Variants in TNFSF11 observed in about 807,000 individuals in gnomAD.
TNFSF11 encodes the protein tumor necrosis factor ligand superfamily member 11.
Under a neutral mutation model 32.2 loss-of-function variants are expected in TNFSF11, and 12 were observed. The observed-to-expected ratio is 0.37, with a 90% CI of 0.24 to 0.60. TNFSF11 has a LOEUF of 0.60. Ranked by LOEUF, TNFSF11 falls within the 20% of genes least tolerant of loss-of-function variation. TNFSF11 has a pLI of 0.66. For synonymous variants in TNFSF11, 172 were observed against 152.1 expected (o/e 1.13, Z -0.96); for missense variants, 345 against 398.0 (o/e 0.87, Z 1.13).
At chr13:42,591,568 T>A (rs1294607718) in intron 2 of TNFSF11, among the ~76,000 whole-genome samples, 1 of 152,200 alleles carries the variant, frequency 6.6e-6, no homozygotes, top group African/African-American at 2.4e-5. Context: ...TGAATCCTGC[T>A]CTTAAAGTTC....
chr13:42,603,813 T>A (rs564046328), intron 4 of TNFSF11, among the ~76,000 whole-genome samples: 2 of 152,324 alleles, frequency 1.3e-5, no homozygotes, highest in South Asian at 4.2e-4. Context: ...GTGAGTGCCA[T>A]TAAGGCACAG....
chr13:42,570,030 C>A (rs913591280), upstream of TNFSF11, among the ~76,000 whole-genome samples: 1 of 151,904 alleles, frequency 6.6e-6, no homozygotes, highest in Non-Finnish European at 1.5e-5. Context: ...AAATTTTCTG[C>A]TTGGAGTTTG....
At chr13:42,578,250 A>G (rs189199420) in intron 1 of TNFSF11, among the ~76,000 whole-genome samples, 1 of 152,314 alleles carries the variant, frequency 6.6e-6, no homozygotes, top group Non-Finnish European at 1.5e-5. Flanking sequence ...GCTAGTAGGT[A>G]GGTTGTTGGG....
intron 2 of TNFSF11, among the ~76,000 whole-genome samples, chr13:42,567,164 T>A (rs1234926240): frequency 6.6e-6 from 1 of 152,144 alleles, no homozygotes; most frequent in East Asian, 1.9e-4. Flanking sequence ...AGGAAATGAA[T>A]ACAATAAGAC....
chr13:42,590,309 G>T (rs984190924), intron 2 of TNFSF11, among the ~76,000 whole-genome samples: 8 of 152,246 alleles, frequency 5.3e-5, no homozygotes, highest in African/African-American at 1.9e-4. Flanking sequence ...TTCTTAAGGG[G>T]CTGGAGGTCA....
intron 2 of TNFSF11, among the ~76,000 whole-genome samples, chr13:42,586,864 G>A (rs1220371696): frequency 6.6e-6 from 1 of 152,078 alleles, no homozygotes; most frequent in African/African-American, 2.4e-5. Flanking sequence ...CTGGGAATCA[G>A]GTACCTATTT....
At chr13:42,563,052 C>CT (rs1262989631) in intron 1 of TNFSF11, 8 of 152,226 alleles carry the variant, frequency 5.3e-5, no homozygotes, top group Admixed American at 1.3e-4. Flanking sequence ...GTGGGAAAAT[C>CT]TTTAAGAAAA....
At chr13:42,580,623 G>A (rs954857471) in intron 1 of TNFSF11, among the ~76,000 whole-genome samples, 1 of 152,068 alleles carries the variant, frequency 6.6e-6, no homozygotes, top group African/African-American at 2.4e-5. Flanking sequence ...GGCTGATTAA[G>A]GAAAAAAGGC....
intron 1 of TNFSF11, among the ~76,000 whole-genome samples, chr13:42,563,663 CA>C (rs34732335): frequency 0.77 from 97,783 of 127,262 alleles, 36,026 homozygotes; most frequent in South Asian, 0.8. Flanking sequence ...AACTCCGTCT[CA>C]AAAAAAAAAA....
chr13:42,577,092 G>A (rs950573250), intron 1 of TNFSF11, among the ~76,000 whole-genome samples: 4 of 152,004 alleles, frequency 2.6e-5, no homozygotes, highest in African/African-American at 9.7e-5. Context: ...AACTATCTGA[G>A]GTTTCTAAAT....
At chr13:42,598,190 A>G (rs1163363556) in intron 2 of TNFSF11, among the ~76,000 whole-genome samples, 1 of 152,130 alleles carries the variant, frequency 6.6e-6, no homozygotes, top group African/African-American at 2.4e-5. Context: ...AAATCACAAA[A>G]CAGGCATTTG....
upstream of TNFSF11, among the ~76,000 whole-genome samples, chr13:42,570,839 G>A (rs1223373156): frequency 2.6e-5 from 4 of 152,042 alleles, no homozygotes; most frequent in Admixed American, 2.0e-4. Flanking sequence ...AAGAGCTTTC[G>A]CTGACTCCCC....
intron 1 of TNFSF11, among the ~76,000 whole-genome samples, chr13:42,566,358 G>T (rs1300463515): frequency 6.6e-6 from 1 of 152,174 alleles, no homozygotes; most frequent in African/African-American, 2.4e-5. Flanking sequence ...AGAAGCAATG[G>T]GGACTGACAC....
At chr13:42,593,787 T>A (rs1444892002) in intron 2 of TNFSF11, among the ~76,000 whole-genome samples, 1 of 152,236 alleles carries the variant, frequency 6.6e-6, no homozygotes, top group African/African-American at 2.4e-5. Flanking sequence ...TGTTAAATCC[T>A]TGTTCAACCA....
At chr13:42,589,088 C>T (rs921151059) in intron 2 of TNFSF11, among the ~76,000 whole-genome samples, 23 of 152,130 alleles carry the variant, frequency 1.5e-4, no homozygotes, top group Non-Finnish European at 2.9e-4. Context: ...TAATGATAAA[C>T]CCTAAGGCTC....
intron 2 of TNFSF11, among the ~76,000 whole-genome samples, chr13:42,585,206 A>T (rs951853013): frequency 4.6e-5 from 7 of 152,246 alleles, no homozygotes; most frequent in African/African-American, 1.7e-4. Context: ...CAATGCTAAA[A>T]ATAGGATGGA....
rs1869321386 is a variant in TNFSF11, at chr13:42,604,083, G to C, written c.533-2414G>C. Among the ~76,000 whole-genome samples, 2 of 152,174 alleles carry C rather than the reference G, an allele frequency of 1.3e-5. 1 individual carries two copies. Among genetic ancestry groups the C allele is most frequent in the South Asian group, 4.1e-4 (2 of 4,828 alleles). On this transcript the variant is annotated intron_variant, in intron 4 of 4. Coordinates refer to ENST00000398795, the MANE Select transcript of TNFSF11 (RefSeq NM_003701.4). ...TCCTTGCCTTCCTAGGCCATATCTT[G>C]CTCTAACGCCAGCTGATCCATCCCA...
chr13:42,598,742 C>T (rs183143713), intron 2 of TNFSF11, among the ~76,000 whole-genome samples: 50 of 152,166 alleles, frequency 3.3e-4, no homozygotes, highest in Non-Finnish European at 6.0e-4. Context: ...GGTAGTAGAG[C>T]GCCATGAGCA....
chr13:42,600,472 C>T (rs972063595), intron 2 of TNFSF11, among the ~76,000 whole-genome samples: 11 of 152,202 alleles, frequency 7.2e-5, no homozygotes, highest in African/African-American at 1.9e-4. Flanking sequence ...TGTTCAATTA[C>T]GCCATGGTTT....
Sources: allele counts gnomAD v4.1 joint callset (sites outside exome capture counted in the v4.1 genomes callset), GRCh38; gene constraint gnomAD v4.1.1; transcripts MANE v1.5; gene names NCBI Gene and HGNC (gene_info 2026-07-23, HGNC 2026-07-21).